ARID5B: variants seen among roughly 807,000 people sequenced by gnomAD.
ARID5B encodes AT-rich interactive domain-containing protein 5B.
In ARID5B, 13 loss-of-function variants were observed where a neutral mutation model predicts 97.2. That is an observed-to-expected ratio of 0.13 (90% confidence interval 0.09 to 0.21). ARID5B has a LOEUF of 0.21. Ranked by LOEUF, ARID5B falls within the 10% of genes least tolerant of loss-of-function variation. The pLI is 1.00. For missense variants in ARID5B, 1,210 were observed against 1,465.3 expected, an observed-to-expected ratio of 0.83 and a Z score of 2.84; for synonymous variants, 556 against 570.3, an observed-to-expected ratio of 0.97 and a Z score of 0.36.
chr10:61,986,836 C>T (rs966404925), intron 3 of ARID5B, among the ~76,000 whole-genome samples: 9 of 152,148 alleles, frequency 5.9e-5, no homozygotes, highest in Non-Finnish European at 1.2e-4. Context: ...TCACTGTGTG[C>T]TACATTAGCC....
chr10:61,933,008 A>G (rs1408960658), intron 2 of ARID5B, among the ~76,000 whole-genome samples: 1 of 152,226 alleles, frequency 6.6e-6, no homozygotes, highest in African/African-American at 2.4e-5. Context: ...GCTTGAGGCC[A>G]GGAGTTCAGG....
intron 2 of ARID5B, among the ~76,000 whole-genome samples, chr10:61,930,613 G>A (rs866521025): frequency 5.3e-5 from 8 of 151,932 alleles, no homozygotes; most frequent in East Asian, 1.9e-4. Flanking sequence ...CCAGCTACTC[G>A]GGAGGCTGAG....
At chr10:61,990,850 T>C (rs1838913805) in intron 3 of ARID5B, among the ~76,000 whole-genome samples, 1 of 152,158 alleles carries the variant, frequency 6.6e-6, no homozygotes, top group African/African-American at 2.4e-5. Context: ...CCACTATCTA[T>C]TTCTAGAACT....
At chr10:61,935,189 T>C (rs1222713571) in intron 2 of ARID5B, among the ~76,000 whole-genome samples, 2 of 152,122 alleles carry the variant, frequency 1.3e-5, no homozygotes, top group Middle Eastern at 3.4e-3. Flanking sequence ...GACTTTCAAT[T>C]TGTAAAAAAT....
chr10:61,930,575 C>T (rs1199705500), intron 2 of ARID5B, among the ~76,000 whole-genome samples: 1 of 151,690 alleles, frequency 6.6e-6, no homozygotes, highest in Non-Finnish European at 1.5e-5. Flanking sequence ...AAAAAATTAG[C>T]CGGGTGTGAT....
chr10:61,910,884 G>A (rs893446563), intron 2 of ARID5B, among the ~76,000 whole-genome samples: 3 of 152,192 alleles, frequency 2.0e-5, no homozygotes, highest in Non-Finnish European at 2.9e-5. Flanking sequence ...ATAAATAGAC[G>A]CACAGTGGCG....
chr10:62,088,805 G>A (rs1840326556), intron 9 of ARID5B, among the ~76,000 whole-genome samples: 1 of 152,150 alleles, frequency 6.6e-6, no homozygotes, highest in South Asian at 2.1e-4. Context: ...ATATGAAGCG[G>A]TGAACTCAAT....
intron 4 of ARID5B, among the ~76,000 whole-genome samples, chr10:62,031,873 A>C (rs1370564788): frequency 6.6e-6 from 1 of 152,210 alleles, no homozygotes; most frequent in East Asian, 1.9e-4. Context: ...CATGATTTTC[A>C]ATTGATGATA....
chr10:61,983,193 C>T (rs1168618178), intron 3 of ARID5B, among the ~76,000 whole-genome samples: 7 of 152,066 alleles, frequency 4.6e-5, no homozygotes, highest in Admixed American at 3.9e-4. Flanking sequence ...GACCTGAAAG[C>T]TTAGCAGCCA....
chr10:61,924,284 G>A (rs536700483), intron 2 of ARID5B, among the ~76,000 whole-genome samples: 12 of 152,204 alleles, frequency 7.9e-5, no homozygotes, highest in African/African-American at 2.2e-4. Flanking sequence ...CACCACAGTC[G>A]TTGAACAGGA....
intron 3 of ARID5B, among the ~76,000 whole-genome samples, chr10:61,941,700 A>G (rs1421273553): frequency 6.6e-6 from 1 of 152,216 alleles, no homozygotes; most frequent in African/African-American, 2.4e-5. Flanking sequence ...GAGTTTAACT[A>G]TCAACGGTTT....
Position 62,091,959 on chromosome 10 carries a change from C to T in ARID5B, c.2496C>T (p.Tyr832=), listed in dbSNP as rs1840382425. The T allele has an allele frequency of 1.2e-6, 2 of 1,613,394 alleles. No homozygotes were observed. The highest frequency in any genetic ancestry group is 1.1e-5 in the South Asian group (1 of 90,950). The change falls in exon 10 of 10, where the codon TAC becomes TAT. Residue 832 remains tyrosine, a synonymous_variant. Transcript: ENST00000279873. ...TGCCTAGCTTCCTGGCTGACTTCTA[C>T]TCGTCCCCTCATCTCCATAGCCTCT... is the stretch of plus-strand genomic sequence containing the variant. ...SHMPSFLADF[Y]SSPHLHSLYR...
chr10:61,938,127 A>G (rs997040489), intron 2 of ARID5B, among the ~76,000 whole-genome samples: 3 of 152,216 alleles, frequency 2.0e-5, no homozygotes, highest in Non-Finnish European at 4.4e-5. Flanking sequence ...GACAAAACCT[A>G]TAGACTGAAT....
intron 4 of ARID5B, among the ~76,000 whole-genome samples, chr10:62,020,400 T>C (rs536067465): frequency 2.6e-5 from 4 of 152,306 alleles, no homozygotes; most frequent in Non-Finnish European, 5.9e-5. Flanking sequence ...AAAATAATGA[T>C]CAAAGAGTCT....
chr10:62,018,224 T>C (rs1306759922), intron 4 of ARID5B, among the ~76,000 whole-genome samples: 1 of 152,220 alleles, frequency 6.6e-6, no homozygotes, highest in East Asian at 1.9e-4. Context: ...CGTTTGAGTT[T>C]ATTCCAGCTC....
At chr10:61,940,485 C>A in intron 3 of ARID5B, 77 bp downstream of exon 3, 1 of 1,255,428 alleles carries the variant, frequency 8.0e-7, no homozygotes, top group Non-Finnish European at 1.1e-6. Flanking sequence ...TTTCTGGAAA[C>A]ACTATCATTT....
Position 62,096,768 on chromosome 10 carries a change from A to G in ARID5B, c.*3738A>G. ...CCTTTGCATTAGTTTAAACACTACC[A>G]GAAGAATGCTGAGCCAACTATAAAC... On this transcript the variant is annotated 3_prime_UTR_variant, in exon 10 of 10. Coordinates refer to ENST00000279873, the MANE Select transcript of ARID5B (RefSeq NM_032199.3). 1 of 233,626 alleles carries G rather than the reference A, an allele frequency of 4.3e-6. No individual in the cohort carries two copies. Among genetic ancestry groups the G allele is most frequent in the Non-Finnish European group, 8.5e-6 (1 of 118,006 alleles). 14.5% of individuals were successfully genotyped at this position (233,626 alleles called of 1,614,324 possible).
intron 3 of ARID5B, among the ~76,000 whole-genome samples, chr10:61,997,206 G>A (rs1347174798): frequency 4.0e-5 from 6 of 151,888 alleles, no homozygotes; most frequent in African/African-American, 1.2e-4. Flanking sequence ...GAAAGAGAAG[G>A]ATTCATGACT....
At chr10:61,926,494 A>C (rs12256952) in intron 2 of ARID5B, among the ~76,000 whole-genome samples, 4,425 of 152,210 alleles carry the variant, frequency 0.029, 221 homozygotes, top group African/African-American at 0.1. Flanking sequence ...AAATTCGTAG[A>C]CTAGTGTCTG....
Sources: gnomAD v4.1 joint callset for allele counts (sites outside exome capture counted in the v4.1 genomes callset) on GRCh38, gnomAD v4.1.1 for gene constraint, MANE v1.5 for transcripts, NCBI Gene and HGNC (gene_info 2026-07-23, HGNC 2026-07-21) for gene names.